Variants in TNNT1 observed in about 807,000 individuals in gnomAD.
TNNT1 encodes the protein troponin T1, slow skeletal type.
In TNNT1, 53 loss-of-function variants were observed where a neutral mutation model predicts 50.6. The ratio of observed to expected loss-of-function variants is 1.05; its 90% CI spans 0.84 to 1.32. The LOEUF (loss-of-function observed/expected upper bound fraction) is 1.32. TNNT1 is among the 40% of genes most tolerant of loss of function. The pLI is 0.00. For missense variants in TNNT1, 348 were observed against 381.7 expected (o/e 0.91, Z 0.74); for synonymous variants, 142 against 138.0 (o/e 1.03, Z -0.20).
In TNNT1 at chr19:55,133,045, T is replaced by A; in HGVS notation, c.792-85A>T. 4 of 1,222,012 alleles carry A rather than the reference T, an allele frequency of 3.3e-6. No homozygotes were observed. In the Admixed American group the frequency reaches 7.9e-5, roughly 24 times the overall value. The allele number at this position is 1,222,012 out of a possible 1,614,324, so 75.7% of individuals were successfully genotyped here. On this transcript the variant is annotated intron_variant, in intron 13 of 13. Transcript: ENST00000588981. Reference sequence around the variant, plus strand: ...CCAGGCCCTCAATTCAGGAAGCCCATTCCCCAAAATATTAGCCCTCCCTGC... The same window carrying A: ...CCAGGCCCTCAATTCAGGAAGCCCAATCCCCAAAATATTAGCCCTCCCTGC...
intron 9 of TNNT1, among the ~76,000 whole-genome samples, chr19:55,138,488 G>A (rs990845741): frequency 4.6e-5 from 7 of 152,204 alleles, no homozygotes; most frequent in Non-Finnish European, 8.8e-5. Context: ...ATGTTGGCCA[G>A]GCTGGTCTCA....
At chr19:55,135,820 C>A (rs1275297983) in intron 11 of TNNT1, among the ~76,000 whole-genome samples, 4 of 152,120 alleles carry the variant, frequency 2.6e-5, no homozygotes, top group African/African-American at 9.7e-5. Flanking sequence ...CGCGCCCGCC[C>A]GGCCAACAAT....
At chr19:55,133,691 AAAAAG>A (rs1337475835) in intron 13 of TNNT1, 191 bp downstream of exon 13, 2 of 660,276 alleles carry the variant, frequency 3.0e-6, no homozygotes, top group East Asian at 2.7e-5. Context: ...AAAAAAAAAA[AAAAAG>A]AAAGAAAAAG....
intron 6 of TNNT1, among the ~76,000 whole-genome samples, chr19:55,144,648 G>A (rs2085515260): frequency 6.6e-6 from 1 of 152,220 alleles, no homozygotes; most frequent in African/African-American, 2.4e-5. Context: ...CCGCTGCGCA[G>A]GCAGAGGGCA....
At chr19:55,146,585 A>G (rs1167649969) in intron 4 of TNNT1, 96 bp downstream of exon 4, 15 of 1,231,268 alleles carry the variant, frequency 1.2e-5, no homozygotes, top group African/African-American at 1.6e-5. Flanking sequence ...CCGGGAGCCG[A>G]GGCCGTCGGG....
At chr19:55,136,341 C>G (rs1400395998) in intron 11 of TNNT1, among the ~76,000 whole-genome samples, 2 of 152,122 alleles carry the variant, frequency 1.3e-5, no homozygotes, top group Non-Finnish European at 1.5e-5. Flanking sequence ...CCCATCTTAG[C>G]CTCCCAAAGT....
chr19:55,141,792 T>C (rs2085460791), intron 7 of TNNT1, 65 bp downstream of exon 7: 1 of 1,595,314 alleles, frequency 6.3e-7, no homozygotes, highest in Non-Finnish European at 8.6e-7. Context: ...CGCCTTTTCA[T>C]GATTGACACA....
chr19:55,147,138 T>C lies in TNNT1; in HGVS notation c.20A>G (p.Gln7Arg), dbSNP rs1276254454. MSDTEE[Q>R]EYEEEQPEEE... is the part of the protein sequence containing the mutation. ...GTGCAGCACTCACTCCTCATATTCC[T>C]GCTCCTCGGTGTCCGACATCCTGGT... is the stretch of plus-strand genomic sequence containing the variant. The change falls in exon 2 of 14, where the codon CAG becomes CGG. Residue 7 changes from glutamine (Q) to arginine (R), a missense_variant. Transcript: ENST00000588981. The C allele has an allele frequency of 1.2e-6, 2 of 1,613,686 alleles. No individual in the cohort carries two copies. Among genetic ancestry groups the C allele is most frequent in the East Asian group, 2.2e-5 (1 of 44,886 alleles).
intron 11 of TNNT1, among the ~76,000 whole-genome samples, chr19:55,136,470 A>G (rs1318660780): frequency 6.6e-6 from 1 of 152,186 alleles, no homozygotes; most frequent in Admixed American, 6.6e-5. Flanking sequence ...GCCAATGAGG[A>G]ATGGGAGCCC....
chr19:55,136,348 A>G (rs2085345706), intron 11 of TNNT1, among the ~76,000 whole-genome samples: 2 of 151,978 alleles, frequency 1.3e-5, no homozygotes, highest in South Asian at 4.2e-4. Flanking sequence ...TAGCCTCCCA[A>G]AGTGCTGGAA....
chr19:55,136,081 G>A (rs1165138840), intron 11 of TNNT1, among the ~76,000 whole-genome samples: 3 of 152,158 alleles, frequency 2.0e-5, no homozygotes, highest in East Asian at 1.9e-4. Context: ...CAAAGAGTAC[G>A]GACTATTGCA....
At chr19:55,138,238 C>T (rs2085389216) in intron 9 of TNNT1, among the ~76,000 whole-genome samples, 164 bp from the exon 10 acceptor site, 1 of 151,814 alleles carries the variant, frequency 6.6e-6, no homozygotes, top group African/African-American at 2.4e-5. Context: ...CCCGGCCCTG[C>T]CACGTCTCCC....
chr19:55,146,630 T>TGCCCCC, intron 4 of TNNT1, 51 bp downstream of exon 4: 4 of 1,025,174 alleles, frequency 3.9e-6, no homozygotes, highest in Non-Finnish European at 4.2e-6. Flanking sequence ...GGGCCCAGCG[T>TGCCCCC]CCCCGCCCCC....
intron 6 of TNNT1, among the ~76,000 whole-genome samples, chr19:55,143,452 A>C (rs1161234681): frequency 6.6e-6 from 1 of 152,136 alleles, no homozygotes; most frequent in Middle Eastern, 3.2e-3. Context: ...GAGCGATTCC[A>C]AGATGAAGCA....
At chr19:55,134,010 C>A (rs574306836) in intron 12 of TNNT1, 56 bp downstream of exon 12, 28 of 1,611,952 alleles carry the variant, frequency 1.7e-5, no homozygotes, top group Non-Finnish European at 2.3e-5. Context: ...GTTTGCTGGT[C>A]CCTCCCAGCC....
intron 11 of TNNT1, among the ~76,000 whole-genome samples, chr19:55,135,768 G>A (rs201357433): frequency 4.5e-4 from 69 of 152,138 alleles, no homozygotes; most frequent in African/African-American, 1.6e-3. Context: ...TGATCTGCCC[G>A]CCTCAGCCTC....
chr19:55,145,943 G>A (rs1017673311), intron 5 of TNNT1, among the ~76,000 whole-genome samples: 5 of 151,526 alleles, frequency 3.3e-5, no homozygotes, highest in African/African-American at 1.2e-4. Flanking sequence ...TTCATTCAGT[G>A]ACCCCAGCGC....
intron 1 of TNNT1, among the ~76,000 whole-genome samples, chr19:55,147,792 G>A (rs1279709121): frequency 3.4e-5 from 5 of 146,808 alleles, no homozygotes; most frequent in Middle Eastern, 4.0e-3. Flanking sequence ...GGGTCTGGGG[G>A]CCTGGCCTCC....
chr19:55,147,026 G>T lies in TNNT1; in HGVS notation c.33-5C>A. 6.2e-7 allele frequency: 1 copy of T among 1,611,982 alleles called. No homozygotes were observed. Among genetic ancestry groups the T allele is most frequent in the Non-Finnish European group, 8.5e-7 (1 of 1,179,316 alleles). ...TACTCACCTTCCGGCTGCTCCCTGCGGACGGGTGTGGGGAGAGAGGAGGGA... is the reference window on the plus strand; with the variant it reads ...TACTCACCTTCCGGCTGCTCCCTGCTGACGGGTGTGGGGAGAGAGGAGGGA... On this transcript the variant is annotated splice_region_variant and splice_polypyrimidine_tract_variant and intron_variant, in intron 2 of 13. Coordinates refer to ENST00000588981, the MANE Select transcript of TNNT1 (RefSeq NM_003283.6).
Sources: gnomAD v4.1 joint callset for allele counts (sites outside exome capture counted in the v4.1 genomes callset) on GRCh38, gnomAD v4.1.1 for gene constraint, MANE v1.5 for transcripts, NCBI Gene and HGNC (gene_info 2026-07-23, HGNC 2026-07-21) for gene names.